Variants in COL4A2 observed in about 807,000 individuals in gnomAD.
The protein encoded by COL4A2 is collagen alpha-2(IV) chain.
COL4A2 carries 99 observed loss-of-function variants against 200.2 expected under a neutral mutation model. The ratio of observed to expected loss-of-function variants is 0.49; its 90% confidence interval spans 0.42 to 0.58. The LOEUF (loss-of-function observed/expected upper bound fraction) is 0.58, where lower values mean the gene tolerates loss of function less well. COL4A2 is among the 20% of genes least tolerant of loss of function. The pLI, the probability that COL4A2 is intolerant of heterozygous loss-of-function variation, is 0.00. For missense variants in COL4A2, 1,950 were observed against 2,314.1 expected, an observed-to-expected ratio of 0.84 and a Z score of 3.23; for synonymous variants, 897 against 900.6, an observed-to-expected ratio of 1.00 and a Z score of 0.07.
intron 4 of COL4A2, among the ~76,000 whole-genome samples, chr13:110,370,443 A>G (rs1877953659): frequency 6.6e-6 from 1 of 151,932 alleles, no homozygotes; most frequent in African/African-American, 2.4e-5. Flanking sequence ...TTTTAGTAGA[A>G]ACGGGGTTTC....
intron 12 of COL4A2, 181 bp from the exon 13 acceptor site, chr13:110,436,088 A>T (rs750702283): frequency 5.8e-6 from 5 of 860,012 alleles, no homozygotes; most frequent in Non-Finnish European, 9.6e-6. Context: ...TGAAAGGAGG[A>T]TATAAAAAAC....
intron 25 of COL4A2, 120 bp from the exon 26 acceptor site, chr13:110,465,883 C>A: frequency 7.9e-7 from 1 of 1,268,358 alleles, no homozygotes; most frequent in Non-Finnish European, 1.1e-6. Flanking sequence ...ATTTCAAAGC[C>A]TTCCTGCCCC....
intron 4 of COL4A2, among the ~76,000 whole-genome samples, chr13:110,394,375 C>T (rs74859479): frequency 1.5e-3 from 232 of 152,274 alleles, no homozygotes; most frequent in African/African-American, 5.2e-3. Flanking sequence ...GGCTGGTCAG[C>T]ATTTGAACAT....
intron 3 of COL4A2, among the ~76,000 whole-genome samples, chr13:110,333,675 T>A (rs970706340): frequency 6.6e-6 from 1 of 152,194 alleles, no homozygotes; most frequent in Non-Finnish European, 1.5e-5. Context: ...CACACCCCAA[T>A]AATGTACAAC....
intron 4 of COL4A2, among the ~76,000 whole-genome samples, chr13:110,380,366 G>A (rs561920394): frequency 2.0e-4 from 30 of 152,234 alleles, no homozygotes; most frequent in African/African-American, 6.7e-4. Flanking sequence ...TTCACAAGAG[G>A]AACTTTTCCT....
At chr13:110,338,068 G>A (rs1198532611) in intron 3 of COL4A2, among the ~76,000 whole-genome samples, 2 of 152,164 alleles carry the variant, frequency 1.3e-5, no homozygotes, top group Admixed American at 6.5e-5. Flanking sequence ...TAGGAACTGC[G>A]TATTGCTCAC....
intron 4 of COL4A2, among the ~76,000 whole-genome samples, chr13:110,412,403 G>A (rs1181660135): frequency 1.3e-5 from 2 of 152,134 alleles, no homozygotes; most frequent in Admixed American, 6.5e-5. Flanking sequence ...GCCAAGGGCC[G>A]GTGGATGCTA....
chr13:110,512,280 T>G lies in COL4A2; in HGVS notation c.*89T>G, dbSNP rs1884113362. On this transcript the variant is annotated 3_prime_UTR_variant, in exon 48 of 48. Coordinates refer to ENST00000360467, the MANE Select transcript of COL4A2 (RefSeq NM_001846.4). ...CCCAAAAATTGGTTTTATTTTTTTC[T>G]TAAAAAAAAAAAAGTCTACCAAAGG... 1 of 1,411,800 alleles carries G rather than the reference T, an allele frequency of 7.1e-7. No individual in the cohort carries two copies. Among genetic ancestry groups the G allele is most frequent in the East Asian group, 2.5e-5 (1 of 39,372 alleles). The allele number at this position is 1,411,800 out of a possible 1,614,324, so 87.5% of individuals were successfully genotyped here. A position where few individuals can be genotyped will look rare whatever the true frequency, so the allele number is the denominator to read the frequency against.
chr13:110,403,667 C>T (rs1452281393), intron 4 of COL4A2, among the ~76,000 whole-genome samples: 1 of 152,148 alleles, frequency 6.6e-6, no homozygotes, highest in Non-Finnish European at 1.5e-5. Context: ...TGTTCATGGC[C>T]ATGTAGGTTT....
At chr13:110,337,056 G>C (rs1876224354) in intron 3 of COL4A2, among the ~76,000 whole-genome samples, 1 of 152,176 alleles carries the variant, frequency 6.6e-6, no homozygotes, top group Admixed American at 6.5e-5. Context: ...AGAAATGAGG[G>C]GAAATGAGGA....
At chr13:110,322,098 C>T (rs1885290967) in intron 3 of COL4A2, among the ~76,000 whole-genome samples, 1 of 152,178 alleles carries the variant, frequency 6.6e-6, no homozygotes, top group African/African-American at 2.4e-5. Context: ...AGTTTTGTTT[C>T]TTTGGTTGAC....
At chr13:110,393,027 A>C (rs1196751349) in intron 4 of COL4A2, among the ~76,000 whole-genome samples, 1 of 152,210 alleles carries the variant, frequency 6.6e-6, no homozygotes, top group East Asian at 1.9e-4. Context: ...GCAAATATCC[A>C]CACGAACAGC....
In COL4A2 at chr13:110,458,919, G is replaced by C; in HGVS notation, c.1581G>C (p.Gly527=). ...RGDPGQHGLP[G]FPGLKGVPGN... ...ACCCCGGCCAACACGGCCTCCCTGG[G>C]TTCCCAGGGCTCAAGGTGAGGAGCA... is the stretch of plus-strand genomic sequence containing the variant. The change falls in exon 22 of 48, where the codon GGG becomes GGC. Residue 527 remains glycine, a synonymous_variant. Coordinates refer to ENST00000360467, the MANE Select transcript of COL4A2 (RefSeq NM_001846.4). The C allele has an allele frequency of 6.3e-7, 1 of 1,581,756 alleles. No individual in the cohort carries two copies. Among genetic ancestry groups the C allele is most frequent in the Non-Finnish European group, 8.6e-7 (1 of 1,164,562 alleles).
At chr13:110,413,799 G>A (rs529119957) in intron 4 of COL4A2, among the ~76,000 whole-genome samples, 1 of 152,334 alleles carries the variant, frequency 6.6e-6, no homozygotes, top group Non-Finnish European at 1.5e-5. Flanking sequence ...CTTGGCGGTG[G>A]TGAGCAGCCG....
At chr13:110,465,939 G>C in intron 25 of COL4A2, 64 bp from the exon 26 acceptor site, 1 of 1,583,352 alleles carries the variant, frequency 6.3e-7, no homozygotes, top group South Asian at 1.1e-5. Context: ...GCACGCCCCA[G>C]ACGAGCCAGT....
intron 3 of COL4A2, among the ~76,000 whole-genome samples, chr13:110,322,025 T>G (rs1192237035): frequency 6.6e-6 from 1 of 152,250 alleles, no homozygotes; most frequent in Non-Finnish European, 1.5e-5. Flanking sequence ...AGTGGCAGAA[T>G]TTCCTTCCTT....
chr13:110,345,596 G>A (rs1028124652), intron 3 of COL4A2, among the ~76,000 whole-genome samples: 5 of 152,108 alleles, frequency 3.3e-5, no homozygotes, highest in East Asian at 1.9e-4. Context: ...GTCCTCACCC[G>A]TTCTTTTTAA....
intron 46 of COL4A2, among the ~76,000 whole-genome samples, chr13:110,507,096 A>G (rs527870304): frequency 6.6e-6 from 1 of 152,324 alleles, no homozygotes; most frequent in East Asian, 1.9e-4. Context: ...AATACAGAAA[A>G]TGCAATACAC....
At chr13:110,430,770 A>C (rs751522074) in intron 10 of COL4A2, 163 bp downstream of exon 10, 2 of 979,588 alleles carry the variant, frequency 2.0e-6, no homozygotes, top group Non-Finnish European at 3.3e-6. Context: ...TTCCTTGCAC[A>C]CTTTGCTGCT....
Sources: gnomAD v4.1 joint callset for allele counts (sites outside exome capture counted in the v4.1 genomes callset) on GRCh38, gnomAD v4.1.1 for gene constraint, MANE v1.5 for transcripts, NCBI Gene and HGNC (gene_info 2026-07-23, HGNC 2026-07-21) for gene names.